The following PCDHGA8 variants were observed in gnomAD, a reference collection of about 807,000 sequenced individuals.
PCDHGA8 encodes protocadherin gamma subfamily A, 8, also known as protocadherin gamma-A8.
In PCDHGA8, 45 loss-of-function variants were observed where a neutral mutation model predicts 59.2. That is an observed-to-expected ratio of 0.76 (90% CI 0.60 to 0.98). The LOEUF (loss-of-function observed/expected upper bound fraction) is 0.98. PCDHGA8 is among the 50% of genes least tolerant of loss of function. The pLI is 0.00. For missense variants in PCDHGA8, 1,257 were observed against 1,196.2 expected (o/e 1.05, Z -0.75); for synonymous variants, 531 against 519.0 (o/e 1.02, Z -0.32).
rs764389909 is a variant in PCDHGA8, at chr5:141,491,064, ACTGTTG to A, written c.2425-3741_2425-3736del. On this transcript the variant is annotated intron_variant, in intron 1 of 3. Transcript: ENST00000398604. The surrounding 1 kb of genome is among the most constrained non-coding windows in gnomAD (Gnocchi z 6.9). ...GCCACAATGCGTGGCTCTCCTACTCACTGTTGCCACAGTCCACAGCCCCAGGACTGT... is the reference window on the plus strand; with the variant it reads ...GCCACAATGCGTGGCTCTCCTACTCACCACAGTCCACAGCCCCAGGACTGT... 1.2e-6 allele frequency: 2 copies of A among 1,613,962 alleles called. No homozygotes were observed. Among genetic ancestry groups the A allele is most frequent in the Admixed American group, 3.3e-5 (2 of 60,010 alleles).
chr5:141,421,280 G>T (rs564480755), intron 1 of PCDHGA8: 1 of 1,612,948 alleles, frequency 6.2e-7, no homozygotes, highest in African/African-American at 1.3e-5. Context: ...CTGCTGCTGT[G>T]CATTTTCCTG....
Position 141,415,739 on chromosome 5 carries a change from GGTTTT to G in PCDHGA8, c.2424+20503_2424+20507del, listed in dbSNP as rs2095909931. ...ATGAGTAGAATTTGATGTTTATTAA[GGTTTT>G]TTTTTTTTTTTTTTTTTTTTTTTTT... On this transcript the variant is annotated intron_variant, in intron 1 of 3. Transcript: ENST00000398604. 124 of 435,052 alleles carry G rather than the reference GGTTTT, an allele frequency of 2.9e-4. No homozygotes were observed. The African/African-American group carries it at 3.6e-3, about 13-fold the overall frequency. 26.9% of individuals were successfully genotyped at this position (435,052 alleles called of 1,614,324 possible).
chr5:141,426,766 T>C (rs2096958771), intron 1 of PCDHGA8: 1 of 456,532 alleles, frequency 2.2e-6, no homozygotes, highest in South Asian at 1.5e-5. Flanking sequence ...GATGCAGATG[T>C]AGGGCCTCAC....
chr5:141,423,267 G>A (rs530404769), intron 1 of PCDHGA8: 1 of 1,613,710 alleles, frequency 6.2e-7, no homozygotes, highest in Non-Finnish European at 8.5e-7. Flanking sequence ...GCAGCCTCGA[G>A]TCTCTGGCTA....
At chr5:141,482,048 G>T (rs375214441) in intron 1 of PCDHGA8, among the ~76,000 whole-genome samples, 12 of 150,156 alleles carry the variant, frequency 8.0e-5, no homozygotes, top group Middle Eastern at 6.9e-3. Flanking sequence ...TCATGCTGTT[G>T]CATTCCAGCC....
intron 1 of PCDHGA8, among the ~76,000 whole-genome samples, chr5:141,482,329 T>C (rs1334833454): frequency 6.6e-6 from 1 of 152,160 alleles, no homozygotes; most frequent in Non-Finnish European, 1.5e-5. Context: ...ATAAAGAGAA[T>C]ATCTACTTTG....
chr5:141,426,873 C>T (rs1299082117), intron 1 of PCDHGA8: 1 of 456,702 alleles, frequency 2.2e-6, no homozygotes, highest in East Asian at 6.9e-5. Context: ...GCTGGAGAAG[C>T]CCCTGGGCCA....
intron 1 of PCDHGA8, chr5:141,399,419 G>T (rs778389329): frequency 6.2e-7 from 1 of 1,614,000 alleles, no homozygotes; most frequent in Admixed American, 1.7e-5. Context: ...CTCTCCTCCA[G>T]CATAAGCGTC....
intron 1 of PCDHGA8, among the ~76,000 whole-genome samples, chr5:141,492,882 C>G (rs2099744816): frequency 6.6e-6 from 1 of 152,218 alleles, no homozygotes; most frequent in Admixed American, 6.5e-5. Context: ...CCCAGAGATA[C>G]AGGCTTTTGG....
At chr5:141,411,309 C>A (rs2095479833) in intron 1 of PCDHGA8, 1 of 152,130 alleles carries the variant, frequency 6.6e-6, no homozygotes, top group African/African-American at 2.4e-5. Context: ...GTGGCTCACA[C>A]CTATAATCAC....
chr5:141,403,370 G>T (rs752870915), intron 1 of PCDHGA8: 25 of 1,614,064 alleles, frequency 1.5e-5, no homozygotes, highest in Non-Finnish European at 1.9e-5. Flanking sequence ...AAGTCTGGAA[G>T]TAAAAATTAA....
intron 1 of PCDHGA8, among the ~76,000 whole-genome samples, chr5:141,429,602 C>T (rs548994907): frequency 1.1e-4 from 16 of 152,218 alleles, no homozygotes; most frequent in African/African-American, 3.6e-4. Flanking sequence ...TTCAAGTAAA[C>T]TCAATTTTAT....
intron 1 of PCDHGA8, among the ~76,000 whole-genome samples, chr5:141,468,046 C>T (rs540273405): frequency 1.3e-4 from 20 of 152,174 alleles, no homozygotes; most frequent in Non-Finnish European, 2.8e-4. Flanking sequence ...AAAACTAAGC[C>T]GGGCACAGTG....
intron 1 of PCDHGA8, among the ~76,000 whole-genome samples, chr5:141,470,729 G>T (rs1253040487): frequency 6.6e-6 from 1 of 152,102 alleles, no homozygotes; most frequent in Non-Finnish European, 1.5e-5. Context: ...TCAGGGTCTT[G>T]CTCTGTCGCC....
chr5:141,489,775 T>C lies in PCDHGA8; in HGVS notation c.2425-5032T>C, dbSNP rs748163008. The C allele has an allele frequency of 6.2e-7, 1 of 1,614,110 alleles. No homozygotes were observed. The highest frequency in any genetic ancestry group is 8.5e-7 in the Non-Finnish European group (1 of 1,179,986). Reference sequence around the variant, plus strand: ...CACTCTAAGCCCCAACAGCCACTTCTCTCTGAATGTGAAGACCCTAAAAGA... The same window carrying C: ...CACTCTAAGCCCCAACAGCCACTTCCCTCTGAATGTGAAGACCCTAAAAGA... On this transcript the variant is annotated intron_variant, in intron 1 of 3. Coordinates refer to ENST00000398604, the MANE Select transcript of PCDHGA8 (RefSeq NM_032088.2). This position sits in a 1 kb window ranked among gnomAD's most constrained non-coding sequence, Gnocchi z 4.5.
At chr5:141,407,590 T>C (rs186034148) in intron 1 of PCDHGA8, among the ~76,000 whole-genome samples, 64 of 152,240 alleles carry the variant, frequency 4.2e-4, no homozygotes, top group Non-Finnish European at 7.1e-4. Context: ...CCTTAATGTC[T>C]CATCTTAAAA....
At chr5:141,414,846 G>A in intron 1 of PCDHGA8, 1 of 1,614,218 alleles carries the variant, frequency 6.2e-7, no homozygotes, top group African/African-American at 1.3e-5. Flanking sequence ...TGTTTGTGCT[G>A]GACCAGAACG....
In PCDHGA8 at chr5:141,394,984, T is replaced by C. The variant is rs777878747; in HGVS notation, c.2171T>C (p.Leu724Pro). The change falls in exon 1 of 4, where the codon CTG becomes CCG. Residue 724 changes from leucine to proline, a missense_variant. Transcript: ENST00000398604. ...LRLRRWHKSRLLQDSGGRLVG... is the reference protein window; with the variant it reads ...LRLRRWHKSRPLQDSGGRLVG... ...CTGAGGCGCTGGCACAAGTCACGCC[T>C]GCTCCAGGATTCCGGTGGCAGATTG... 5 of 1,614,026 alleles carry C rather than the reference T, an allele frequency of 3.1e-6. 1 individual carries two copies. In the South Asian group the frequency reaches 4.4e-5, roughly 14 times the overall value.
At chr5:141,474,398 C>A (rs1381347745) in intron 1 of PCDHGA8, among the ~76,000 whole-genome samples, 3 of 152,212 alleles carry the variant, frequency 2.0e-5, no homozygotes, top group Non-Finnish European at 4.4e-5. Context: ...TTCTAACAAG[C>A]TCCCCGGTGA....
Sources: gnomAD v4.1 joint callset for allele counts (sites outside exome capture counted in the v4.1 genomes callset) on GRCh38, gnomAD v4.1.1 for gene constraint, Gnocchi (gnomAD v3.1) non-coding constraint, MANE v1.5 for transcripts, NCBI Gene and HGNC (gene_info 2026-07-23, HGNC 2026-07-21) for gene names.